The following MAST4 variants were observed in gnomAD, a reference collection of about 807,000 sequenced individuals.
The protein encoded by MAST4 is microtubule-associated serine/threonine-protein kinase 4.
Under a neutral mutation model 162.7 loss-of-function variants are expected in MAST4, and 89 were observed. The observed-to-expected ratio is 0.55, with a 90% CI of 0.46 to 0.65. The LOEUF is 0.65. Ranked by LOEUF, MAST4 falls within the 30% of genes least tolerant of loss-of-function variation. The pLI is 0.00. For synonymous variants in MAST4, 1,479 were observed against 1,361.1 expected (o/e 1.09, Z -1.91); for missense variants, 3,153 against 3,374.0 (o/e 0.93, Z 1.62).
At chr5:66,682,832 A>G (rs150939516) in intron 1 of MAST4, among the ~76,000 whole-genome samples, 3 of 152,316 alleles carry the variant, frequency 2.0e-5, no homozygotes, top group African/African-American at 7.2e-5. Context: ...CAGCCTCCTG[A>G]GTAGCTGGGA....
At chr5:66,906,324 G>A (rs529872718) in intron 4 of MAST4, among the ~76,000 whole-genome samples, 63 of 152,298 alleles carry the variant, frequency 4.1e-4, no homozygotes, top group African/African-American at 1.4e-3. Flanking sequence ...CTGAAAAAGG[G>A]GGATTCGTTC....
chr5:66,888,211 G>A (rs1334816108), intron 3 of MAST4, among the ~76,000 whole-genome samples: 1 of 152,114 alleles, frequency 6.6e-6, no homozygotes, highest in East Asian at 1.9e-4. Context: ...AGAGGCTTAA[G>A]TTTACATTAT....
At chr5:66,740,116 G>A (rs1752401094) in intron 1 of MAST4, among the ~76,000 whole-genome samples, 1 of 151,628 alleles carries the variant, frequency 6.6e-6, no homozygotes, top group African/African-American at 2.4e-5. Flanking sequence ...GGCTGCTGGA[G>A]GACTCATCAG....
intron 14 of MAST4, among the ~76,000 whole-genome samples, chr5:67,122,006 A>T (rs1045688198): frequency 4.6e-5 from 7 of 152,076 alleles, no homozygotes; most frequent in African/African-American, 1.7e-4. Flanking sequence ...TAATCTAATG[A>T]TATTAATGGT....
chr5:66,643,193 AT>A (rs1023221401), intron 1 of MAST4, among the ~76,000 whole-genome samples: 6 of 152,282 alleles, frequency 3.9e-5, no homozygotes, highest in Non-Finnish European at 8.8e-5. Context: ...TCCGCTTGAT[AT>A]GTTTGTGTTT....
At chr5:66,991,523 C>T (rs1750067580) in intron 4 of MAST4, among the ~76,000 whole-genome samples, 1 of 152,172 alleles carries the variant, frequency 6.6e-6, no homozygotes, top group South Asian at 2.1e-4. Flanking sequence ...GAAAGAACTT[C>T]ACTCCCCAGT....
intron 1 of MAST4, among the ~76,000 whole-genome samples, chr5:66,696,720 T>G (rs1238673699): frequency 6.6e-6 from 1 of 151,142 alleles, no homozygotes; most frequent in Non-Finnish European, 1.5e-5. Context: ...AAAATTGTTT[T>G]TATAATAATA....
Position 67,104,420 on chromosome 5 carries a change from G to T in MAST4, c.1201G>T (p.Asp401Tyr). The T allele has an allele frequency of 6.2e-7, 1 of 1,613,852 alleles. No individual in the cohort carries two copies. The change falls in exon 10 of 29, where the codon GAC (aspartate) becomes TAC (tyrosine). Residue 401 changes from aspartate (D) to tyrosine (Y), a missense_variant. Transcript: ENST00000403625. ...LKEIITSYSP[D>Y]NVLPLADGVL... ...GGAAATTATCACCAGCTACTCTCCT[G>T]ACAACGTTCTACCCTTAGCAGATGG...
At position 66,834,826 on chromosome 5, in the gene MAST4, A is replaced by G. The variant is rs569520338; in HGVS notation, c.642+46032A>G. ...CGCCTTCCATTTTAGTATCTGAAGC[A>G]CATGGCGCTCCTTTGAATCAATAAT... On this transcript the variant is annotated intron_variant, in intron 3 of 28. Transcript: ENST00000403625. 2.0e-4 allele frequency among the ~76,000 whole-genome samples: 31 copies of G among 152,324 alleles called. No individual in the cohort carries two copies. In the East Asian group the frequency reaches 4.4e-3, roughly 22 times the overall value.
intron 19 of MAST4, among the ~76,000 whole-genome samples, chr5:67,136,988 G>A (rs35357506): frequency 1.5e-4 from 23 of 152,290 alleles, no homozygotes; most frequent in South Asian, 1.0e-3. Context: ...CTTCTATCCC[G>A]AAAAGCATGC....
intron 3 of MAST4, among the ~76,000 whole-genome samples, chr5:66,848,877 G>T (rs1203647595): frequency 1.3e-5 from 2 of 152,178 alleles, no homozygotes; most frequent in African/African-American, 4.8e-5. Flanking sequence ...ACGAGCAGCT[G>T]GGATGTCTGG....
chr5:67,080,393 A>G (rs1762459986), intron 5 of MAST4, among the ~76,000 whole-genome samples: 1 of 152,172 alleles, frequency 6.6e-6, no homozygotes. Flanking sequence ...TACCTGAAGG[A>G]TTCAACACCT....
intron 1 of MAST4, among the ~76,000 whole-genome samples, chr5:66,618,033 T>TG (rs66792189): frequency 0.026 from 3,788 of 143,672 alleles, 79 homozygotes; most frequent in African/African-American, 0.051. Context: ...CTGGGAGGAA[T>TG]GGGGGGGGGG....
At chr5:66,931,546 A>G (rs73101961) in intron 4 of MAST4, among the ~76,000 whole-genome samples, 13,096 of 152,186 alleles carry the variant, frequency 0.086, 741 homozygotes, top group African/African-American at 0.16. Context: ...TATATTTCTA[A>G]TGAAGTTATT....
intron 3 of MAST4, among the ~76,000 whole-genome samples, chr5:66,886,432 G>A (rs1762043416): frequency 6.6e-6 from 1 of 152,042 alleles, no homozygotes; most frequent in African/African-American, 2.4e-5. Flanking sequence ...AACTTCAAAT[G>A]ATAGGCTGCC....
At chr5:66,810,288 AAG>A (rs1554054782) in intron 3 of MAST4, among the ~76,000 whole-genome samples, 1 of 152,164 alleles carries the variant, frequency 6.6e-6, no homozygotes, top group Non-Finnish European at 1.5e-5. Context: ...GCTTAACATA[AAG>A]AGTTAGTTTC....
chr5:67,067,038 G>A (rs773655203), intron 5 of MAST4, among the ~76,000 whole-genome samples: 3 of 152,300 alleles, frequency 2.0e-5, no homozygotes, highest in South Asian at 2.1e-4. Context: ...ACCTGATGAC[G>A]TCAGTGAGAT....
chr5:66,752,877 C>T (rs1753275295), intron 1 of MAST4, among the ~76,000 whole-genome samples: 1 of 152,108 alleles, frequency 6.6e-6, no homozygotes, highest in Non-Finnish European at 1.5e-5. Context: ...CACACCTATT[C>T]CAAAATTGAC....
chr5:66,775,401 C>A (rs1481032033), intron 2 of MAST4, among the ~76,000 whole-genome samples: 1 of 152,086 alleles, frequency 6.6e-6, no homozygotes, highest in East Asian at 1.9e-4. Flanking sequence ...GAGGCATTGA[C>A]CCTGGAGTTC....
Sources: gnomAD v4.1 joint callset for allele counts (sites outside exome capture counted in the v4.1 genomes callset) on GRCh38, gnomAD v4.1.1 for gene constraint, MANE v1.5 for transcripts, NCBI Gene and HGNC (gene_info 2026-07-23, HGNC 2026-07-21) for gene names.